The following GOT1 variants were observed in gnomAD, a reference collection of about 807,000 sequenced individuals.
GOT1 encodes glutamic-oxaloacetic transaminase 1, also known as aspartate aminotransferase, cytoplasmic.
A neutral mutation model predicts 48.2 loss-of-function variants in GOT1; 25 were observed. The observed-to-expected ratio is 0.52, with a 90% CI of 0.38 to 0.72. The LOEUF (loss-of-function observed/expected upper bound fraction) is 0.72, where lower values mean the gene tolerates loss of function less well. Ranked by LOEUF, GOT1 falls within the 30% of genes least tolerant of loss-of-function variation. The probability of loss-of-function intolerance (pLI) is 0.00; values close to 1 mark genes in which losing one functional copy is unlikely to be tolerated. For synonymous variants in GOT1, 188 were observed against 193.8 expected, an observed-to-expected ratio of 0.97 and a Z score of 0.25; for missense variants, 380 against 520.1, an observed-to-expected ratio of 0.73 and a Z score of 2.62.
intron 2 of GOT1, among the ~76,000 whole-genome samples, chr10:99,407,205 G>T (rs547290491): frequency 1.1e-3 from 156 of 143,076 alleles, no homozygotes; most frequent in Admixed American, 4.5e-3. Context: ...GTGTGTGTGT[G>T]CATGCACGCA....
In GOT1 at chr10:99,407,182, A is replaced by AGT. The variant is rs3045656; in HGVS notation, c.301-335_301-334dup. ...GTAGAGGACACACCGAGGCCACATT[A>AGT]GTGTGTGTGTGTGTGTGTGTGTGCA... On this transcript the variant is annotated intron_variant, in intron 2 of 8. Transcript: ENST00000370508. Among the ~76,000 whole-genome samples, 926 of 149,906 alleles carry AGT rather than the reference A, an allele frequency of 6.2e-3. 10 individuals carry two copies. The highest frequency in any genetic ancestry group is 0.023 in the East Asian group (117 of 5,034).
intron 5 of GOT1, among the ~76,000 whole-genome samples, chr10:99,404,108 A>G (rs115387039): frequency 8.5e-4 from 130 of 152,288 alleles, no homozygotes; most frequent in Middle Eastern, 3.4e-3. Flanking sequence ...GAGTGTCCCA[A>G]TTCAGCTTAG....
At chr10:99,430,323 T>C in intron 1 of GOT1, 125 bp downstream of exon 1, 1 of 1,601,628 alleles carries the variant, frequency 6.2e-7, no homozygotes, top group Non-Finnish European at 8.5e-7. Flanking sequence ...TCCAGCCTCC[T>C]CTCCGGCGCC....
chr10:99,413,614 C>G (rs2032855490), intron 2 of GOT1, among the ~76,000 whole-genome samples: 1 of 152,050 alleles, frequency 6.6e-6, no homozygotes, highest in African/African-American at 2.4e-5. Flanking sequence ...TCCTCAAAAA[C>G]AGCAACTCCA....
intron 8 of GOT1, among the ~76,000 whole-genome samples, chr10:99,400,128 A>T (rs971052576): frequency 1.3e-5 from 2 of 152,044 alleles, no homozygotes. Flanking sequence ...AAAGTTATGG[A>T]CTCTTTCCCT....
rs988691881 is a variant in GOT1, at chr10:99,397,176, G to A, written c.*371C>T. 21 of 184,076 alleles carry A rather than the reference G, an allele frequency of 1.1e-4. No homozygotes were observed. Among genetic ancestry groups the A allele is most frequent in the Non-Finnish European group, 2.1e-4 (18 of 86,230 alleles). 11.4% of individuals were successfully genotyped at this position (184,076 alleles called of 1,614,324 possible). A position where few individuals can be genotyped will look rare whatever the true frequency, so the allele number is the denominator to read the frequency against. ...CCACATTCACACTTTGGCTCCTTCA[G>A]ACAACTTGATCTTTGGGACTAGAAT... On this transcript the variant is annotated 3_prime_UTR_variant, in exon 9 of 9. Coordinates refer to ENST00000370508, the MANE Select transcript of GOT1 (RefSeq NM_002079.3). The surrounding 1 kb of genome is among the most constrained non-coding windows in gnomAD (Gnocchi z 5.4).
In GOT1 at chr10:99,397,775, A is replaced by G; in HGVS notation, c.1103-89T>C. 1 of 1,272,988 alleles carries G rather than the reference A, an allele frequency of 7.9e-7. No individual in the cohort carries two copies. The highest frequency in any genetic ancestry group is 1.1e-6 in the Non-Finnish European group (1 of 886,866). The allele number at this position is 1,272,988 out of a possible 1,614,324, so 78.9% of individuals were successfully genotyped here. The stretch of plus-strand genomic sequence containing the variant: ...GCAATTATATGACAATTACAGCTTT[A>G]CTTCTTTCCCCTTAACAGAGAGAAG... On this transcript the variant is annotated intron_variant, in intron 8 of 8. Transcript: ENST00000370508. This position sits in a 1 kb window ranked among gnomAD's most constrained non-coding sequence, Gnocchi z 5.4.
At chr10:99,409,323 G>C (rs1017218411) in intron 2 of GOT1, among the ~76,000 whole-genome samples, 7 of 149,672 alleles carry the variant, frequency 4.7e-5, no homozygotes, top group African/African-American at 1.5e-4. Flanking sequence ...AGTACAGATG[G>C]GGTTTCACCA....
At chr10:99,429,584 T>C (rs1351804862) in intron 1 of GOT1, among the ~76,000 whole-genome samples, 1 of 152,156 alleles carries the variant, frequency 6.6e-6, no homozygotes, top group Non-Finnish European at 1.5e-5. Flanking sequence ...AGAAAATAAG[T>C]GTCTGTGGGG....
Position 99,430,557 on chromosome 10 carries a change from A to G in GOT1, c.9T>C (p.Pro3=). ...GCGGAACCTCGGCAAAGACTGACGG[A>G]GGTGCCATATCGAGAGACTAGGAAT... MA[P]PSVFAEVPQA... Residue 3 remains proline, a synonymous_variant, in exon 1 of 9, where the codon CCT becomes CCC. Transcript: ENST00000370508. 1 of 1,602,302 alleles carries G rather than the reference A, an allele frequency of 6.2e-7. No individual in the cohort carries two copies. The highest frequency in any genetic ancestry group is 8.5e-7 in the Non-Finnish European group (1 of 1,173,114).
chr10:99,405,113 G>C (rs2032737689), intron 5 of GOT1, among the ~76,000 whole-genome samples: 1 of 152,192 alleles, frequency 6.6e-6, no homozygotes, highest in African/African-American at 2.4e-5. Context: ...GTCTGTCTTT[G>C]AGGGTAGGGA....
intron 2 of GOT1, among the ~76,000 whole-genome samples, chr10:99,417,673 C>T (rs1292503212): frequency 6.6e-6 from 1 of 152,144 alleles, no homozygotes; most frequent in Non-Finnish European, 1.5e-5. Context: ...AGACTTGGAA[C>T]CAACCCAAAT....
chr10:99,406,371 G>A (rs2032755833), intron 3 of GOT1, 122 bp from the exon 4 acceptor site: 2 of 718,200 alleles, frequency 2.8e-6, no homozygotes, highest in East Asian at 2.5e-5. Flanking sequence ...CATCCAGGCT[G>A]GGGGTTAAGA....
chr10:99,423,632 G>C (rs1421034220), intron 1 of GOT1, among the ~76,000 whole-genome samples: 1 of 152,022 alleles, frequency 6.6e-6, no homozygotes, highest in East Asian at 1.9e-4. Flanking sequence ...CTCCGGCTCT[G>C]GTGAATCTAA....
At chr10:99,410,096 G>GTTATTT (rs1360373761) in intron 2 of GOT1, among the ~76,000 whole-genome samples, 2 of 152,162 alleles carry the variant, frequency 1.3e-5, no homozygotes, top group Admixed American at 1.3e-4. Context: ...TAACTACTCT[G>GTTATTT]TTATTTACAG....
At chr10:99,402,539 C>A in intron 8 of GOT1, 41 bp downstream of exon 8, 8 of 1,609,040 alleles carry the variant, frequency 5.0e-6, no homozygotes, top group Non-Finnish European at 6.8e-6. Context: ...TGTTGTGTGT[C>A]TACATGCACG....
chr10:99,407,358 TAA>T (rs2032773781), intron 2 of GOT1, among the ~76,000 whole-genome samples: 2 of 152,214 alleles, frequency 1.3e-5, no homozygotes, highest in South Asian at 4.1e-4. Flanking sequence ...TCAGGCTTAT[TAA>T]TCCTTAGAAG....
intron 5 of GOT1, 81 bp downstream of exon 5, chr10:99,405,668 TCAGCAAA>T: frequency 1.4e-6 from 1 of 713,804 alleles, no homozygotes; most frequent in Non-Finnish European, 2.5e-6. Flanking sequence ...TCCTAATTCC[TCAGCAAA>T]CAGCAAACAG....
chr10:99,420,623 C>T lies in GOT1; in HGVS notation c.300+1G>A. 4 of 1,604,956 alleles carry T rather than the reference C, an allele frequency of 2.5e-6. No individual in the cohort carries two copies. The highest frequency in any genetic ancestry group is 3.4e-6 in the Non-Finnish European group (4 of 1,175,872). On this transcript the variant is annotated splice_donor_variant, in intron 2 of 8. Coordinates refer to ENST00000370508, the MANE Select transcript of GOT1 (RefSeq NM_002079.3). LOFTEE classifies it high-confidence loss of function. Reference sequence around the variant, plus strand: ...AAAATACATCCTTACCCAAAACTTACCCGCTTCTCCTTGAGTGCTGGGCTG... The same window carrying T: ...AAAATACATCCTTACCCAAAACTTATCCGCTTCTCCTTGAGTGCTGGGCTG...
Sources: gnomAD v4.1 joint callset for allele counts (sites outside exome capture counted in the v4.1 genomes callset) on GRCh38, gnomAD v4.1.1 for gene constraint, Gnocchi (gnomAD v3.1) non-coding constraint, MANE v1.5 for transcripts, NCBI Gene and HGNC (gene_info 2026-07-23, HGNC 2026-07-21) for gene names.